Variants in C10orf90 observed in about 807,000 individuals in gnomAD.
C10orf90 encodes the protein chromosome 10 open reading frame 90, also known as (E2-independent) E3 ubiquitin-conjugating enzyme FATS.
C10orf90 carries 56 observed loss-of-function variants against 62.5 expected under a neutral mutation model. That is an observed-to-expected ratio of 0.90 (90% CI 0.72 to 1.12). The LOEUF is 1.12. Among genes scored for constraint, C10orf90 ranks in the 50% most tolerant of loss-of-function variants. The pLI is 0.00. For missense variants in C10orf90, 970 were observed against 880.4 expected (o/e 1.10, Z -1.29); for synonymous variants, 386 against 340.4 (o/e 1.13, Z -1.47).
In C10orf90 at chr10:126,577,096, T is replaced by G. The variant is rs553947480; in HGVS notation, c.314-63157A>C. Among the ~76,000 whole-genome samples, 8 of 152,002 alleles carry G rather than the reference T, an allele frequency of 5.3e-5. No homozygotes were observed. In the South Asian group the frequency reaches 8.3e-4, roughly 16 times the overall value. Reference sequence around the variant, plus strand: ...GTGTTCTATAGCACAATAGGATGACTATAGTTAACAGTAATATGTTATATC... The same window carrying G: ...GTGTTCTATAGCACAATAGGATGACGATAGTTAACAGTAATATGTTATATC... On this transcript the variant is annotated intron_variant, in intron 2 of 9. Coordinates refer to ENST00000488181, the MANE Select transcript of C10orf90 (RefSeq NM_001350921.2).
chr10:126,429,675 A>G (rs1857459832), intron 8 of C10orf90, 112 bp downstream of exon 8: 3 of 821,248 alleles, frequency 3.7e-6, no homozygotes, highest in East Asian at 2.5e-5. Context: ...AAAAGACCTC[A>G]GACCTTAAAC....
chr10:126,564,824 C>G (rs1160209053), intron 2 of C10orf90, among the ~76,000 whole-genome samples: 2 of 8,646 alleles, frequency 2.3e-4, no homozygotes, highest in Non-Finnish European at 5.6e-4. Context: ...GAATAAGACT[C>G]TCTCTCTCTA....
At chr10:126,575,226 C>T (rs917101680) in intron 2 of C10orf90, among the ~76,000 whole-genome samples, 1 of 151,926 alleles carries the variant, frequency 6.6e-6, no homozygotes, top group Non-Finnish European at 1.5e-5. Flanking sequence ...TGTTTGAACA[C>T]AGTATGATCT....
intron 4 of C10orf90, among the ~76,000 whole-genome samples, chr10:126,495,132 G>A (rs1229703755): frequency 3.3e-5 from 5 of 152,052 alleles, no homozygotes; most frequent in South Asian, 2.1e-4. Context: ...ATGTATAGAC[G>A]GTGCTCTGCA....
At chr10:126,565,133 AAATATAATATTAAATATGT>A (rs1239104190) in intron 2 of C10orf90, among the ~76,000 whole-genome samples, 54 of 21,688 alleles carry the variant, frequency 2.5e-3, no homozygotes, top group Admixed American at 4.9e-3. Context: ...TATATAATAT[AAATATAATATTAAATATGT>A]AATATAATAT....
Position 126,504,093 on chromosome 10 carries a change from T to A in C10orf90, c.1398A>T (p.Glu466Asp). The change falls in exon 4 of 10, where the codon GAA becomes GAT. Residue 466 changes from glutamate to aspartate, a missense_variant. Transcript: ENST00000488181. The surrounding 1 kb of genome is among the most constrained non-coding windows in gnomAD (Gnocchi z 4.1). ...ACPWSGSFPL[E>D]NTELANVGAN... ...CTCCCACATTTGCCAATTCTGTGTT[T>A]TCCAATGGAAAAGAACCACTCCAAG... is the stretch of plus-strand genomic sequence containing the variant. 6.2e-7 allele frequency: 1 copy of A among 1,614,170 alleles called. No homozygotes were observed. The highest frequency in any genetic ancestry group is 8.5e-7 in the Non-Finnish European group (1 of 1,180,044).
At chr10:126,583,049 C>T (rs549011246) in intron 2 of C10orf90, among the ~76,000 whole-genome samples, 3 of 152,230 alleles carry the variant, frequency 2.0e-5, no homozygotes, top group East Asian at 1.9e-4. Flanking sequence ...TTTACAGCAT[C>T]CCTAACCTCT....
intron 8 of C10orf90, among the ~76,000 whole-genome samples, chr10:126,428,637 A>T (rs1240836636): frequency 6.7e-6 from 1 of 149,678 alleles, no homozygotes; most frequent in East Asian, 2.0e-4. Context: ...CTGACTACTC[A>T]CGCTGCTTTG....
chr10:126,458,171 T>A (rs1020286571), intron 7 of C10orf90, among the ~76,000 whole-genome samples: 1 of 152,140 alleles, frequency 6.6e-6, no homozygotes. Context: ...CAGAATAAGA[T>A]CTTGGTAATG....
chr10:126,576,986 T>C (rs1467296342), intron 2 of C10orf90, among the ~76,000 whole-genome samples: 1 of 151,392 alleles, frequency 6.6e-6, no homozygotes, highest in African/African-American at 2.4e-5. Flanking sequence ...CAGAGGATAC[T>C]AGAGGCTGAG....
chr10:126,510,696 T>A (rs1427655477), intron 3 of C10orf90, among the ~76,000 whole-genome samples: 3 of 152,226 alleles, frequency 2.0e-5, no homozygotes, highest in African/African-American at 7.2e-5. Flanking sequence ...TTTAAGATAT[T>A]GATTTCTCTT....
At chr10:126,567,880 A>G (rs894685177) in intron 2 of C10orf90, among the ~76,000 whole-genome samples, 3 of 152,114 alleles carry the variant, frequency 2.0e-5, no homozygotes, top group African/African-American at 7.2e-5. Flanking sequence ...CTAGGGAAAG[A>G]TATTTGTAAG....
chr10:126,553,761 AAACACCT>A (rs1216272667), intron 2 of C10orf90, among the ~76,000 whole-genome samples: 1 of 152,174 alleles, frequency 6.6e-6, no homozygotes, highest in African/African-American at 2.4e-5. Context: ...GCAGTGATGA[AAACACCT>A]AACGACACGT....
At chr10:126,561,993 G>T (rs781748750) in intron 2 of C10orf90, among the ~76,000 whole-genome samples, 5 of 152,200 alleles carry the variant, frequency 3.3e-5, no homozygotes, top group Non-Finnish European at 5.9e-5. Flanking sequence ...GACATGAAGC[G>T]TTCATTTTGG....
rs554496105 is a variant in C10orf90 at position 126,507,351 on chromosome 10, C to A, written c.406-2266G>T. The stretch of plus-strand genomic sequence containing the variant: ...CAGCCTGGGTGACAGAGCGAGACTC[C>A]ATCTCAAAAAAAAAAAAAAAAAAAA... On this transcript the variant is annotated intron_variant, in intron 3 of 9. Transcript: ENST00000488181. Among the ~76,000 whole-genome samples the A allele has an allele frequency of 3.3e-3, 320 of 97,018 alleles. 1 individual carries two copies. The highest frequency in any genetic ancestry group is 4.6e-3 in the Non-Finnish European group (252 of 55,258). 63.6% of individuals were successfully genotyped at this position (97,018 alleles called of 152,430 possible). A position where few individuals can be genotyped will look rare whatever the true frequency, so the allele number is the denominator to read the frequency against.
intron 4 of C10orf90, among the ~76,000 whole-genome samples, chr10:126,467,716 C>T (rs1047439977): frequency 1.3e-5 from 2 of 152,174 alleles, no homozygotes; most frequent in Non-Finnish European, 2.9e-5. Flanking sequence ...GCAATAATCT[C>T]ACAAACTTGA....
chr10:126,513,117 G>T (rs997967838), intron 3 of C10orf90, among the ~76,000 whole-genome samples: 5 of 152,082 alleles, frequency 3.3e-5, no homozygotes, highest in Non-Finnish European at 7.3e-5. Context: ...GTAACATCTT[G>T]GACAGTTTTT....
intron 2 of C10orf90, among the ~76,000 whole-genome samples, chr10:126,595,387 G>A (rs1194038253): frequency 2.0e-5 from 3 of 152,164 alleles, no homozygotes; most frequent in African/African-American, 4.8e-5. Context: ...CACCCCTCCT[G>A]ACAAACTCAT....
At chr10:126,427,833 T>C (rs1449806619) in intron 8 of C10orf90, among the ~76,000 whole-genome samples, 1 of 152,206 alleles carries the variant, frequency 6.6e-6, no homozygotes. Flanking sequence ...TTGCGTATCA[T>C]GGGACTTTGC....
Sources: allele counts gnomAD v4.1 joint callset (sites outside exome capture counted in the v4.1 genomes callset), GRCh38; gene constraint gnomAD v4.1.1; non-coding constraint Gnocchi (gnomAD v3.1); transcripts MANE v1.5; gene names NCBI Gene and HGNC (gene_info 2026-07-23, HGNC 2026-07-21).